Variants in IQCH observed in about 807,000 individuals in gnomAD.
The protein encoded by IQCH is IQ motif containing H, also known as IQ domain-containing protein H.
IQCH carries 98 observed loss-of-function variants against 117.0 expected under a neutral mutation model. That is an observed-to-expected ratio of 0.84 (90% CI 0.71 to 0.99). The LOEUF is 0.99. Among genes scored for constraint, IQCH ranks in the 50% least tolerant of loss-of-function variants. The pLI is 0.00. For synonymous variants in IQCH, 412 were observed against 448.2 expected, an observed-to-expected ratio of 0.92 and a Z score of 1.02; for missense variants, 1,102 against 1,243.8, an observed-to-expected ratio of 0.89 and a Z score of 1.72.
intron 6 of IQCH, among the ~76,000 whole-genome samples, chr15:67,354,339 A>C (rs1969795520): frequency 6.6e-6 from 1 of 151,988 alleles, no homozygotes. Flanking sequence ...AAAAGAAAAA[A>C]CCTCATGGTC....
chr15:67,307,183 G>C, intron 4 of IQCH: 1 of 944,944 alleles, frequency 1.1e-6, no homozygotes, highest in Non-Finnish European at 1.3e-6. Context: ...CCAGTTCTTT[G>C]GTTCTACTTT....
intron 5 of IQCH, among the ~76,000 whole-genome samples, chr15:67,338,755 G>T (rs943035634): frequency 9.2e-5 from 14 of 152,220 alleles, no homozygotes; most frequent in African/African-American, 3.4e-4. Flanking sequence ...TTTCAGTTTG[G>T]CTCTGTGACT....
intron 1 of IQCH, chr15:67,255,462 A>T (rs1382605890): frequency 6.4e-6 from 1 of 155,796 alleles, no homozygotes; most frequent in Non-Finnish European, 1.4e-5. Context: ...GACATTTAAA[A>T]ACTTAGTGAA....
At chr15:67,446,491 A>T (rs2140979402) in intron 16 of IQCH, among the ~76,000 whole-genome samples, 1 of 152,316 alleles carries the variant, frequency 6.6e-6, no homozygotes, top group African/African-American at 2.4e-5. Context: ...TTTGCTAGAA[A>T]ATGAACCCAG....
chr15:67,311,408 A>T (rs980200603), intron 4 of IQCH, among the ~76,000 whole-genome samples: 4 of 151,728 alleles, frequency 2.6e-5, no homozygotes, highest in African/African-American at 9.7e-5. Flanking sequence ...AGGCAAAATA[A>T]AATATATAAA....
Position 67,307,196 on chromosome 15 carries a change from A to T in IQCH, c.387+27684A>T, listed in dbSNP as rs113139789. The stretch of plus-strand genomic sequence containing the variant: ...TACCAGTTCTTTGGTTCTACTTTCC[A>T]AATAAATATATATATAATGCAATGT... On this transcript the variant is annotated intron_variant, in intron 4 of 20. Coordinates refer to ENST00000335894, the MANE Select transcript of IQCH (RefSeq NM_001031715.3). 342 of 885,486 alleles carry T rather than the reference A, an allele frequency of 3.9e-4. 2 individuals are homozygous for T. The African/African-American group carries it at 5.9e-3, about 15-fold the overall frequency. 54.9% of individuals were successfully genotyped at this position (885,486 alleles called of 1,614,324 possible). A position where few individuals can be genotyped will look rare whatever the true frequency, so the allele number is the denominator to read the frequency against.
intron 10 of IQCH, among the ~76,000 whole-genome samples, chr15:67,380,933 G>A (rs1358048230): frequency 6.6e-6 from 1 of 152,232 alleles, no homozygotes; most frequent in East Asian, 1.9e-4. Context: ...GGAGTCTGTT[G>A]TTAACCTCTT....
intron 13 of IQCH, among the ~76,000 whole-genome samples, chr15:67,396,454 C>T (rs1369281844): frequency 6.6e-6 from 1 of 152,200 alleles, no homozygotes; most frequent in Non-Finnish European, 1.5e-5. Flanking sequence ...TGCATTCTTC[C>T]AGCAGATAGT....
intron 4 of IQCH, among the ~76,000 whole-genome samples, chr15:67,320,555 A>AG (rs1186456173): frequency 6.6e-6 from 1 of 152,232 alleles, no homozygotes; most frequent in Non-Finnish European, 1.5e-5. Context: ...AAATATAGTG[A>AG]GAAAAAATAG....
In IQCH at chr15:67,395,406, A is replaced by T. The variant is rs759993045; in HGVS notation, c.1748A>T (p.Asp583Val). ...AYIVSGLLHR[D>V]DLAVADMLDI... ...ATCGTCAGCGGGCTCCTCCACAGAG[A>T]TGATTTAGCTGTGGCCGATATGTTA... Residue 583 changes from aspartate to valine, a missense_variant, in exon 13 of 21, where the codon GAT becomes GTT. Transcript: ENST00000335894. The surrounding 1 kb of genome is among the most constrained non-coding windows in gnomAD (Gnocchi z 4.0). The T allele has an allele frequency of 4.3e-6, 7 of 1,613,984 alleles. No homozygotes were observed. The African/African-American group carries it at 6.7e-5, about 15-fold the overall frequency.
intron 1 of IQCH, 103 bp downstream of exon 1, chr15:67,255,050 C>A (rs535472464): frequency 3.1e-5 from 34 of 1,114,526 alleles, no homozygotes; most frequent in Non-Finnish European, 4.3e-5. Flanking sequence ...GGTGCGCCGC[C>A]CCTAGACTCC....
rs1037448912 is a variant in IQCH at position 67,457,674 on chromosome 15, C to T, written c.2506-7453C>T. ...CACACATATCCCTCAGGGATAGATC[C>T]CATCAGGCCTATATTAATAGACAAG... On this transcript the variant is annotated intron_variant, in intron 16 of 20. Transcript: ENST00000335894. This position sits in a 1 kb window ranked among gnomAD's most constrained non-coding sequence, Gnocchi z 5.7. 6.6e-6 allele frequency among the ~76,000 whole-genome samples: 1 copy of T among 152,184 alleles called. No homozygotes were observed. The highest frequency in any genetic ancestry group is 1.5e-5 in the Non-Finnish European group (1 of 68,030).
At chr15:67,280,330 T>TTTTATA (rs71142367) in intron 4 of IQCH, among the ~76,000 whole-genome samples, 1 of 151,990 alleles carries the variant, frequency 6.6e-6, no homozygotes, top group Non-Finnish European at 1.5e-5. Context: ...GTTCTCTCAA[T>TTTTATA]TCTGTTTTGT....
Position 67,316,470 on chromosome 15 carries a change from A to G in IQCH, c.388-20505A>G, listed in dbSNP as rs149672502. ...CATTTACATCCCAGGGAAAGTACCT[A>G]TCACCAACTTTCTACCATCTTGGGT... On this transcript the variant is annotated intron_variant, in intron 4 of 20. Coordinates refer to ENST00000335894, the MANE Select transcript of IQCH (RefSeq NM_001031715.3). Among the ~76,000 whole-genome samples the G allele has an allele frequency of 6.8e-4, 104 of 152,328 alleles. 4 individuals are homozygous for G. The East Asian group carries it at 0.012, about 18-fold the overall frequency.
intron 1 of IQCH, among the ~76,000 whole-genome samples, chr15:67,256,023 A>G (rs1965171011): frequency 6.6e-6 from 1 of 151,948 alleles, no homozygotes; most frequent in Non-Finnish European, 1.5e-5. Context: ...CCCCAGAACC[A>G]CCTCACTTCA....
In IQCH at chr15:67,433,647, T is replaced by G. The variant is rs755778330; in HGVS notation, c.2505+12070T>G. Among the ~76,000 whole-genome samples, 1 of 152,166 alleles carries G rather than the reference T, an allele frequency of 6.6e-6. No homozygotes were observed. Among genetic ancestry groups the G allele is most frequent in the Non-Finnish European group, 1.5e-5 (1 of 68,034 alleles). On this transcript the variant is annotated intron_variant, in intron 16 of 20. Transcript: ENST00000335894. This position sits in a 1 kb window ranked among gnomAD's most constrained non-coding sequence, Gnocchi z 5.4. The stretch of plus-strand genomic sequence containing the variant: ...TGCACTTAGGGATCTTTAACTTGAA[T>G]CACCAGAAACATGGCCAGGGCGAGG...
In IQCH at chr15:67,472,002, T is replaced by TAG. The variant is rs916379887; in HGVS notation, c.2677-3682_2677-3681dup. On this transcript the variant is annotated intron_variant, in intron 17 of 20. Transcript: ENST00000335894. This position sits in a 1 kb window ranked among gnomAD's most constrained non-coding sequence, Gnocchi z 4.3. ...CTTGAGGAGCTGAAAAGAAAGGCCA[T>TAG]AGAGAGAGAGAGATGTTGCTATTAA... 2.6e-4 allele frequency among the ~76,000 whole-genome samples: 40 copies of TAG among 152,114 alleles called. No individual in the cohort carries two copies. Among genetic ancestry groups the TAG allele is most frequent in the Middle Eastern group, 6.8e-3 (2 of 294 alleles).
At chr15:67,262,336 A>G (rs1406998977) in intron 2 of IQCH, among the ~76,000 whole-genome samples, 1 of 152,136 alleles carries the variant, frequency 6.6e-6, no homozygotes, top group Non-Finnish European at 1.5e-5. Flanking sequence ...ATCTTCCATC[A>G]ATCTCCACCT....
intron 4 of IQCH, among the ~76,000 whole-genome samples, chr15:67,298,552 C>T (rs766854653): frequency 8.6e-5 from 13 of 151,864 alleles, no homozygotes; most frequent in South Asian, 2.1e-4. Context: ...CTATGGAGAA[C>T]GGTTTGGAAG....
Sources: gnomAD v4.1 joint callset for allele counts (sites outside exome capture counted in the v4.1 genomes callset) on GRCh38, gnomAD v4.1.1 for gene constraint, Gnocchi (gnomAD v3.1) non-coding constraint, MANE v1.5 for transcripts, NCBI Gene and HGNC (gene_info 2026-07-23, HGNC 2026-07-21) for gene names.